CELF5: variants seen among roughly 807,000 people sequenced by gnomAD.
The protein encoded by CELF5 is CUGBP Elav-like family member 5.
CELF5 carries 6 observed loss-of-function variants against 54.9 expected under a neutral mutation model. The ratio of observed to expected loss-of-function variants is 0.11; its 90% CI spans 0.06 to 0.22. The LOEUF (loss-of-function observed/expected upper bound fraction) is 0.22. Ranked by LOEUF, CELF5 falls within the 10% of genes least tolerant of loss-of-function variation. The pLI is 1.00. For synonymous variants in CELF5, 271 were observed against 290.9 expected, an observed-to-expected ratio of 0.93 and a Z score of 0.70; for missense variants, 401 against 678.6, an observed-to-expected ratio of 0.59 and a Z score of 4.54.
rs1167140107 is a variant in CELF5, at chr19:3,278,563, C to T, written c.603+453C>T. 2.0e-5 allele frequency among the ~76,000 whole-genome samples: 3 copies of T among 151,566 alleles called. No homozygotes were observed. The highest frequency in any genetic ancestry group is 1.3e-4 in the Admixed American group (2 of 15,206). On this transcript the variant is annotated intron_variant, in intron 5 of 12. Coordinates refer to ENST00000292672, the MANE Select transcript of CELF5 (RefSeq NM_021938.4). This position sits in a 1 kb window ranked among gnomAD's most constrained non-coding sequence, Gnocchi z 4.5. ...TAGTGTAGAGATACTAGTGCGTGTG[C>T]GTGTATGAGAGTGTACATGTGTGTT... is the stretch of plus-strand genomic sequence containing the variant.
At chr19:3,248,300 C>T (rs1332403760) in intron 1 of CELF5, among the ~76,000 whole-genome samples, 1 of 152,028 alleles carries the variant, frequency 6.6e-6, no homozygotes, top group Non-Finnish European at 1.5e-5. Flanking sequence ...GGATGACAGG[C>T]GAGAGTCACC....
chr19:3,282,306 G>A lies in CELF5; in HGVS notation c.892+39G>A, dbSNP rs907409918. ...AGGCACCCAAGGATGGGTGGGCAGGGCTGGAGCCAGAACTGGCCTCCCCAT... is the reference window on the plus strand; with the variant it reads ...AGGCACCCAAGGATGGGTGGGCAGGACTGGAGCCAGAACTGGCCTCCCCAT... On this transcript the variant is annotated intron_variant, in intron 7 of 12. Coordinates refer to ENST00000292672, the MANE Select transcript of CELF5 (RefSeq NM_021938.4). The surrounding 1 kb of genome is among the most constrained non-coding windows in gnomAD (Gnocchi z 5.2). The A allele has an allele frequency of 1.1e-5, 18 of 1,608,640 alleles. No homozygotes were observed. Among genetic ancestry groups the A allele is most frequent in the Admixed American group, 1.7e-5 (1 of 59,992 alleles).
At position 3,273,862 on chromosome 19, in the gene CELF5, C is replaced by G. The variant is rs771163247; in HGVS notation, c.343-10C>G. 24 of 1,612,790 alleles carry G rather than the reference C, an allele frequency of 1.5e-5. No homozygotes were observed. The highest frequency in any genetic ancestry group is 2.0e-5 in the Non-Finnish European group (24 of 1,178,848). ...TAAGCTTGACTTTTCCCTTCCCCCT[C>G]TCTCTGCAGATGGCGCGGCCAATCC... On this transcript the variant is annotated splice_polypyrimidine_tract_variant and intron_variant, in intron 2 of 12. Transcript: ENST00000292672.
chr19:3,229,799 G>A (rs1361032316), intron 1 of CELF5, among the ~76,000 whole-genome samples: 3 of 152,182 alleles, frequency 2.0e-5, no homozygotes, highest in Non-Finnish European at 4.4e-5. Context: ...GGGGAAAGGT[G>A]TTCCTGACAA....
chr19:3,247,777 A>G (rs187755236), intron 1 of CELF5, among the ~76,000 whole-genome samples: 251 of 151,828 alleles, frequency 1.7e-3, no homozygotes, highest in African/African-American at 5.5e-3. Context: ...TTTTTTTTTA[A>G]TTGAGAAAGC....
chr19:3,272,230 G>A (rs563056157), intron 2 of CELF5, among the ~76,000 whole-genome samples: 9 of 152,042 alleles, frequency 5.9e-5, no homozygotes, highest in African/African-American at 1.2e-4. Flanking sequence ...TTAGCTGGGC[G>A]TATTGGTGCG....
intron 2 of CELF5, among the ~76,000 whole-genome samples, chr19:3,269,605 C>T (rs1599448128): frequency 6.6e-6 from 1 of 152,186 alleles, no homozygotes; most frequent in African/African-American, 2.4e-5. Flanking sequence ...CAAGGGGCCT[C>T]AGTTTCCCCA....
rs904630639 is a variant in CELF5 at position 3,278,892 on chromosome 19, A to C, written c.603+782A>C. Among the ~76,000 whole-genome samples, 1 of 152,106 alleles carries C rather than the reference A, an allele frequency of 6.6e-6. No homozygotes were observed. The highest frequency in any genetic ancestry group is 6.5e-5 in the Admixed American group (1 of 15,276). ...CCAGGAGAGGCCCTGACAAAAAGAAAGGCTGGGAGGTGGCAACAGGTAGCC... is the reference window on the plus strand; with the variant it reads ...CCAGGAGAGGCCCTGACAAAAAGAACGGCTGGGAGGTGGCAACAGGTAGCC... On this transcript the variant is annotated intron_variant, in intron 5 of 12. Transcript: ENST00000292672. The surrounding 1 kb of genome is among the most constrained non-coding windows in gnomAD (Gnocchi z 4.5).
rs2080460904 is a variant in CELF5 at position 3,296,741 on chromosome 19, T to C, written c.*41-17T>C. On this transcript the variant is annotated splice_polypyrimidine_tract_variant and intron_variant, in intron 12 of 12. Coordinates refer to ENST00000292672, the MANE Select transcript of CELF5 (RefSeq NM_021938.4). Reference sequence around the variant, plus strand: ...GTTTACTGGCTGTAAATACCATTTTTATACTCCACATCGCAGACCTGCGTG... The same window carrying C: ...GTTTACTGGCTGTAAATACCATTTTCATACTCCACATCGCAGACCTGCGTG... 1 of 152,210 alleles carries C rather than the reference T, an allele frequency of 6.6e-6. No homozygotes were observed. Among genetic ancestry groups the C allele is most frequent in the African/African-American group, 2.4e-5 (1 of 41,468 alleles). 9.4% of individuals were successfully genotyped at this position (152,210 alleles called of 1,614,324 possible).
intron 3 of CELF5, 152 bp downstream of exon 3, chr19:3,274,075 G>A (rs970595389): frequency 1.2e-5 from 9 of 732,580 alleles, no homozygotes; most frequent in East Asian, 5.4e-5. Context: ...TGCAGTAGTC[G>A]CATGCCTGCT....
rs576198495 is a variant in CELF5, at chr19:3,293,500, C to T, written c.*40+14C>T. On this transcript the variant is annotated intron_variant, in intron 12 of 12. Coordinates refer to ENST00000292672, the MANE Select transcript of CELF5 (RefSeq NM_021938.4). ...GGCATGGCCCAGGTGAGCCGCCAGGCGGCCCCACCCCCGCCCAAGCCCCCC... is the reference window on the plus strand; with the variant it reads ...GGCATGGCCCAGGTGAGCCGCCAGGTGGCCCCACCCCCGCCCAAGCCCCCC... The T allele has an allele frequency of 7.5e-6, 12 of 1,592,354 alleles. No individual in the cohort carries two copies. Among genetic ancestry groups the T allele is most frequent in the East Asian group, 2.2e-5 (1 of 44,470 alleles).
chr19:3,247,320 G>A (rs946760570), intron 1 of CELF5, among the ~76,000 whole-genome samples: 10 of 151,988 alleles, frequency 6.6e-5, no homozygotes, highest in Non-Finnish European at 1.5e-4. Flanking sequence ...TAGAGATAGG[G>A]TTTCACCGTG....
At chr19:3,226,644 G>A (rs991392675) in intron 1 of CELF5, among the ~76,000 whole-genome samples, 5 of 152,254 alleles carry the variant, frequency 3.3e-5, no homozygotes, top group South Asian at 4.2e-4. Context: ...AAAGATTCCC[G>A]TGGGAATGGG....
In CELF5 at chr19:3,293,375, G is replaced by A; in HGVS notation, c.1387G>A (p.Gly463Ser). 3.1e-6 allele frequency: 5 copies of A among 1,614,150 alleles called. No individual in the cohort carries two copies. The highest frequency in any genetic ancestry group is 4.2e-6 in the Non-Finnish European group (5 of 1,180,002). The stretch of plus-strand genomic sequence containing the variant: ...CCAGGCAGCCATCCAGGCCATGAAC[G>A]GCTTCCAGATCGGCATGAAGAGGCT... ...SAQAAIQAMN[G>S]FQIGMKRLKV... The change falls in exon 12 of 13, where the codon GGC becomes AGC. Residue 463 changes from glycine (G) to serine (S), a missense_variant. Gly to Ser is a moderately conservative substitution (Grantham distance 56, BLOSUM62 0). This residue lies in a region of CELF5 where 59 missense variants were observed against 128.8 expected (regional missense o/e 0.46). Transcript: ENST00000292672.
intron 10 of CELF5, among the ~76,000 whole-genome samples, chr19:3,289,494 C>T (rs2080306879): frequency 6.6e-6 from 1 of 151,838 alleles, no homozygotes. Context: ...CCAGCCTGGC[C>T]AACATGGTGA....
Position 3,275,102 on chromosome 19 carries a change from G to A in CELF5, c.395-754G>A, listed in dbSNP as rs1184165446. On this transcript the variant is annotated intron_variant, in intron 3 of 12. Coordinates refer to ENST00000292672, the MANE Select transcript of CELF5 (RefSeq NM_021938.4). The surrounding 1 kb of genome is among the most constrained non-coding windows in gnomAD (Gnocchi z 6.7). ...CCCCCATGAGTGACAGCTGCCGAGA[G>A]CGGTTTCCATAGTAACCCAGCTCAC... Among the ~76,000 whole-genome samples the A allele has an allele frequency of 6.6e-6, 1 of 152,030 alleles. No individual in the cohort carries two copies. The highest frequency in any genetic ancestry group is 2.4e-5 in the African/African-American group (1 of 41,372).
intron 10 of CELF5, 78 bp from the exon 11 acceptor site, chr19:3,290,153 C>G: frequency 8.6e-7 from 1 of 1,164,444 alleles, no homozygotes. Flanking sequence ...GATGCGGGCT[C>G]CAGACCTGTG....
intron 2 of CELF5, among the ~76,000 whole-genome samples, chr19:3,272,211 C>CA (rs199500623): frequency 0.019 from 2,842 of 151,522 alleles, 44 homozygotes; most frequent in Middle Eastern, 0.027. Context: ...ACTAAAAATA[C>CA]AAAAAAAATT....
Position 3,231,776 on chromosome 19 carries a change from G to T in CELF5, c.259+6778G>T, listed in dbSNP as rs542765948. On this transcript the variant is annotated intron_variant, in intron 1 of 12. Coordinates refer to ENST00000292672, the MANE Select transcript of CELF5 (RefSeq NM_021938.4). Reference sequence around the variant, plus strand: ...TGGATGGGTGGGTGGGTGGGTTGGTGGGTCAATGAGTGCATGGATGGATGG... The same window carrying T: ...TGGATGGGTGGGTGGGTGGGTTGGTTGGTCAATGAGTGCATGGATGGATGG... Among the ~76,000 whole-genome samples, 194 of 144,116 alleles carry T rather than the reference G, an allele frequency of 1.3e-3. 1 individual carries two copies. The highest frequency in any genetic ancestry group is 2.0e-3 in the Non-Finnish European group (133 of 65,724). The allele number at this position is 144,116 out of a possible 152,430, so 94.5% of individuals were successfully genotyped here.
Sources: allele counts gnomAD v4.1 joint callset (sites outside exome capture counted in the v4.1 genomes callset), GRCh38; gene constraint gnomAD v4.1.1; regional missense constraint gnomAD v4.1.1; non-coding constraint Gnocchi (gnomAD v3.1); transcripts MANE v1.5; gene names NCBI Gene and HGNC (gene_info 2026-07-23, HGNC 2026-07-21).